INO80: variants seen among roughly 807,000 people sequenced by gnomAD.
The protein encoded by INO80 is chromatin-remodeling ATPase INO80.
INO80 carries 20 observed loss-of-function variants against 203.4 expected under a neutral mutation model. That is an observed-to-expected ratio of 0.10 (90% confidence interval 0.07 to 0.14). The LOEUF is 0.14. INO80 is among the 10% of genes least tolerant of loss of function. The pLI, the probability that INO80 is intolerant of heterozygous loss-of-function variation, is 1.00. For synonymous variants in INO80, 726 were observed against 685.2 expected (o/e 1.06, Z -0.93); for missense variants, 1,419 against 1,914.4 (o/e 0.74, Z 4.83).
intron 1 of INO80, among the ~76,000 whole-genome samples, chr15:41,114,211 G>A (rs140328920): frequency 6.6e-6 from 1 of 151,258 alleles, no homozygotes; most frequent in African/African-American, 2.4e-5. Context: ...AAGCTGCAGT[G>A]AGCCGAGATC....
Position 41,038,171 on chromosome 15 carries a change from T to G in INO80, c.2907+6733A>C, listed in dbSNP as rs551162360. Among the ~76,000 whole-genome samples the G allele has an allele frequency of 8.4e-4, 128 of 151,506 alleles. 1 individual carries two copies. The highest frequency in any genetic ancestry group is 1.8e-3 in the Admixed American group (28 of 15,222). On this transcript the variant is annotated intron_variant, in intron 24 of 35. Transcript: ENST00000648947. ...CTGGGATTACAGCCACAGGCCACCATGCCTGGCTAGTTTTTTTTATTTTTA... is the reference window on the plus strand; with the variant it reads ...CTGGGATTACAGCCACAGGCCACCAGGCCTGGCTAGTTTTTTTTATTTTTA...
At chr15:41,039,941 C>A (rs2044642282) in intron 24 of INO80, among the ~76,000 whole-genome samples, 1 of 152,120 alleles carries the variant, frequency 6.6e-6, no homozygotes, top group African/African-American at 2.4e-5. Context: ...AAATAGCATA[C>A]AGACATTGGA....
rs544495997 is a variant in INO80, at chr15:41,085,543, T to C, written c.699A>G (p.Glu233=). The change falls in exon 7 of 36, where the codon GAA becomes GAG. Residue 233 remains glutamate (E), a synonymous_variant. Transcript: ENST00000648947. The part of the protein sequence containing the change: ...KKVKKKRRRD[E]ELSSEESPRR... Reference sequence around the variant, plus strand: ...GAGGGGATTCTTCAGAGGAAAGTTCTTCATCTCTTCGTCTTTTTTTCTTCA... The same window carrying C: ...GAGGGGATTCTTCAGAGGAAAGTTCCTCATCTCTTCGTCTTTTTTTCTTCA... 15 of 1,614,194 alleles carry C rather than the reference T, an allele frequency of 9.3e-6. No individual in the cohort carries two copies. In the East Asian group the frequency reaches 2.7e-4, roughly 29 times the overall value.
In INO80 at chr15:41,049,998, G is replaced by T. The variant is rs773471981; in HGVS notation, c.2379C>A (p.Gly793=). The change falls in exon 20 of 36, where the codon GGC becomes GGA. Residue 793 remains glycine, a synonymous_variant. Transcript: ENST00000648947. ...TGGTGTTCTGTGCTTGTTGGGTAGA[G>T]CCCATAGAAGACTGCAATAAATCCT... The part of the protein sequence containing the change: ...SIEDLLQSSM[G]STQQAQNTTS... 2.5e-6 allele frequency: 4 copies of T among 1,614,132 alleles called. No individual in the cohort carries two copies. Among genetic ancestry groups the T allele is most frequent in the Admixed American group, 1.7e-5 (1 of 60,012 alleles).
chr15:41,099,428 A>C (rs943429961), intron 1 of INO80, among the ~76,000 whole-genome samples: 1 of 151,984 alleles, frequency 6.6e-6, no homozygotes, highest in African/African-American at 2.4e-5. Context: ...TATTTAAATT[A>C]TGTGAATTTC....
At position 41,016,233 on chromosome 15, in the gene INO80, G is replaced by C. The variant is rs1457211175; in HGVS notation, c.3275-18C>G. ...CTCCTTGCCTGGGGAGAAGAAAAGG[G>C]GGTGAGGGGGAACTGTATTTAATTG... is the stretch of plus-strand genomic sequence containing the variant. On this transcript the variant is annotated intron_variant, in intron 26 of 35. Coordinates refer to ENST00000648947, the MANE Select transcript of INO80 (RefSeq NM_017553.3). 11 of 1,611,574 alleles carry C rather than the reference G, an allele frequency of 6.8e-6. 1 individual carries two copies. In the South Asian group the frequency reaches 1.1e-4, roughly 16 times the overall value.
At chr15:41,042,251 G>A (rs2044680849) in intron 24 of INO80, among the ~76,000 whole-genome samples, 1 of 151,732 alleles carries the variant, frequency 6.6e-6, no homozygotes, top group Non-Finnish European at 1.5e-5. Context: ...TAACCTCAAG[G>A]GATCCGCCCA....
chr15:41,080,052 G>C (rs2045462821), intron 8 of INO80, 148 bp from the exon 9 acceptor site: 1 of 671,866 alleles, frequency 1.5e-6, no homozygotes, highest in Non-Finnish European at 2.6e-6. Flanking sequence ...TAATGTCCTT[G>C]TACAGTACTG....
intron 23 of INO80, among the ~76,000 whole-genome samples, chr15:41,047,128 C>A (rs577313475): frequency 1.3e-5 from 2 of 151,702 alleles, no homozygotes; most frequent in Non-Finnish European, 2.9e-5. Context: ...CCACCATGTC[C>A]GGCTACTTTT....
In INO80 at chr15:41,097,520, G is replaced by A. The variant is rs78646539; in HGVS notation, c.-43-1167C>T. On this transcript the variant is annotated intron_variant, in intron 1 of 35. Transcript: ENST00000648947. The stretch of plus-strand genomic sequence containing the variant: ...TATGATTTTTTTCAGACGGAGTTTC[G>A]CTCTTGCAGTAGGGTGATCTCAGCT... 1.8e-4 allele frequency among the ~76,000 whole-genome samples: 28 copies of A among 151,770 alleles called. No homozygotes were observed. The East Asian group carries it at 3.7e-3, about 20-fold the overall frequency.
chr15:40,999,837 G>A (rs541173415), intron 28 of INO80, among the ~76,000 whole-genome samples: 39 of 152,108 alleles, frequency 2.6e-4, no homozygotes, highest in Admixed American at 6.5e-4. Flanking sequence ...TTTTAGGGCC[G>A]TACTAATCTC....
At chr15:41,044,007 A>C (rs1180302991) in intron 24 of INO80, among the ~76,000 whole-genome samples, 2 of 152,242 alleles carry the variant, frequency 1.3e-5, no homozygotes, top group African/African-American at 4.8e-5. Flanking sequence ...ATTATTCATA[A>C]GGAGTCACAC....
intron 24 of INO80, among the ~76,000 whole-genome samples, chr15:41,030,198 C>T (rs527708009): frequency 8.5e-5 from 13 of 152,316 alleles, no homozygotes; most frequent in Admixed American, 6.5e-5. Context: ...AACATTTCCT[C>T]CAATTATCTT....
chr15:41,094,450 C>T lies in INO80; in HGVS notation c.381+1151G>A, dbSNP rs1050955806. ...TCATTCAGAATCAGTTGAAATGTTA[C>T]GTCTTTAAAGAAGCCATGTTTATTT... On this transcript the variant is annotated intron_variant, in intron 4 of 35. Coordinates refer to ENST00000648947, the MANE Select transcript of INO80 (RefSeq NM_017553.3). Among the ~76,000 whole-genome samples the T allele has an allele frequency of 2.6e-5, 4 of 152,128 alleles. No homozygotes were observed. In the East Asian group the frequency reaches 5.8e-4, roughly 22 times the overall value.
chr15:41,023,398 T>TA, intron 25 of INO80: 1 of 454,726 alleles, frequency 2.2e-6, no homozygotes, highest in East Asian at 6.9e-5. Flanking sequence ...AAAGTAAGTC[T>TA]AGACTATAGA....
chr15:41,055,950 T>TG (rs2044975908), intron 17 of INO80, among the ~76,000 whole-genome samples: 1 of 149,770 alleles, frequency 6.7e-6, no homozygotes, highest in African/African-American at 2.5e-5. Flanking sequence ...TTTTGGTTTT[T>TG]TTTTTTTTTT....
chr15:41,005,926 A>C (rs2044033833), intron 27 of INO80, among the ~76,000 whole-genome samples: 1 of 149,272 alleles, frequency 6.7e-6, no homozygotes, highest in African/African-American at 2.5e-5. Flanking sequence ...TTTGGAACCT[A>C]ATCTTATTCC....
chr15:41,012,637 G>T (rs1232241684), intron 27 of INO80, among the ~76,000 whole-genome samples: 3 of 145,744 alleles, frequency 2.1e-5, no homozygotes, highest in Admixed American at 6.9e-5. Context: ...ATTGATCTAT[G>T]ATTTCCTCAC....
At chr15:41,046,535 T>C (rs2044770941) in intron 23 of INO80, among the ~76,000 whole-genome samples, 1 of 148,148 alleles carries the variant, frequency 6.8e-6, no homozygotes, top group African/African-American at 2.5e-5. Flanking sequence ...CTATTTAAGA[T>C]ATATTATGAA....
Sources: allele counts gnomAD v4.1 joint callset (sites outside exome capture counted in the v4.1 genomes callset), GRCh38; gene constraint gnomAD v4.1.1; transcripts MANE v1.5; gene names NCBI Gene and HGNC (gene_info 2026-07-23, HGNC 2026-07-21).